ZNF320: variants seen among roughly 807,000 people sequenced by gnomAD.
ZNF320 encodes the protein zinc finger gene 320.
In ZNF320, 2 loss-of-function variants were observed where a neutral mutation model predicts 6.8. That is an observed-to-expected ratio of 0.29 (90% CI 0.12 to 0.93). The LOEUF is 0.93. ZNF320 is among the 40% of genes least tolerant of loss of function. The pLI is 0.55. For missense variants in ZNF320, 472 were observed against 611.0 expected, an observed-to-expected ratio of 0.77 and a Z score of 2.40; for synonymous variants, 208 against 203.2, an observed-to-expected ratio of 1.02 and a Z score of -0.20.
intron 1 of ZNF320, chr19:52,895,665 G>A (rs2064448374): frequency 6.6e-6 from 1 of 151,944 alleles, no homozygotes; most frequent in South Asian, 2.1e-4. Context: ...ACAAAAATTA[G>A]CCAGGCGTGG....
rs115702596 is a variant in ZNF320, at chr19:52,885,246, A to T, written c.142+2881T>A. ...GACAGAAGGCTAAAGAATAACTCCA[A>T]CCCACAAACATATATAAAGTTCTCC... On this transcript the variant is annotated intron_variant, in intron 5 of 5. Coordinates refer to ENST00000682928, the MANE Select transcript of ZNF320 (RefSeq NM_001351774.2). 2.8e-3 allele frequency among the ~76,000 whole-genome samples: 426 copies of T among 151,986 alleles called. 1 individual carries two copies. Among genetic ancestry groups the T allele is most frequent in the African/African-American group, 9.6e-3 (400 of 41,474 alleles).
intron 5 of ZNF320, among the ~76,000 whole-genome samples, chr19:52,886,931 A>G (rs988665233): frequency 6.6e-6 from 1 of 151,568 alleles, no homozygotes. Context: ...TGAAACTATC[A>G]AAAGAAAAAG....
At chr19:52,901,342 G>A (rs2064570601), upstream of ZNF320, among the ~76,000 whole-genome samples, 2 of 152,168 alleles carry the variant, frequency 1.3e-5, no homozygotes, top group African/African-American at 2.4e-5. Context: ...TACTGTACAA[G>A]TCTAAATTTT....
upstream of ZNF320, among the ~76,000 whole-genome samples, chr19:52,898,082 T>G (rs1280462550): frequency 6.6e-6 from 1 of 152,240 alleles, no homozygotes; most frequent in Admixed American, 6.5e-5. Flanking sequence ...GTCCAAAATC[T>G]GGAAGTTGTC....
At chr19:52,870,237 T>C (rs2063655358) in intron 5 of ZNF320, among the ~76,000 whole-genome samples, 1 of 151,650 alleles carries the variant, frequency 6.6e-6, no homozygotes, top group Non-Finnish European at 1.5e-5. Flanking sequence ...ACCCAGCACT[T>C]TGTGAGGCCG....
chr19:52,873,876 G>C, downstream of ZNF320: 1 of 314,190 alleles, frequency 3.2e-6, no homozygotes, highest in Non-Finnish European at 6.5e-6. Context: ...GCATGGGTGA[G>C]TGTGAGCAAA....
chr19:52,900,412 T>C (rs1175106533), upstream of ZNF320, among the ~76,000 whole-genome samples: 1 of 152,196 alleles, frequency 6.6e-6, no homozygotes, highest in South Asian at 2.1e-4. Flanking sequence ...TCTTTTGGGC[T>C]GGGAATTCAT....
exon 6 of ZNF320, chr19:52,861,812 C>T: frequency 2.6e-6 from 1 of 379,028 alleles, no homozygotes; most frequent in Non-Finnish European, 5.3e-6. Flanking sequence ...TGACCTCAGA[C>T]TGAAACCTTG....
In ZNF320 at chr19:52,868,172, C is replaced by T. The variant is rs192612303; in HGVS notation, c.224-4013G>A. ...CAGTTTACAGCCTGTCATATAAAAG[C>T]TGCAATGTGTGAAGCCATCTAATAG... On this transcript the variant is annotated intron_variant, in intron 5 of 5. Coordinates refer to the ZNF320 transcript ENST00000673631. 5.3e-3 allele frequency among the ~76,000 whole-genome samples: 803 copies of T among 152,242 alleles called. 9 individuals are homozygous for T. Among genetic ancestry groups the T allele is most frequent in the African/African-American group, 0.016 (685 of 41,542 alleles).
intron 5 of ZNF320, among the ~76,000 whole-genome samples, chr19:52,885,329 C>T (rs1449809385): frequency 6.6e-6 from 1 of 152,052 alleles, no homozygotes; most frequent in Non-Finnish European, 1.5e-5. Flanking sequence ...GCCTATAATC[C>T]CAGCACTTTG....
At chr19:52,900,199 C>A (rs2064566965), upstream of ZNF320, among the ~76,000 whole-genome samples, 1 of 152,114 alleles carries the variant, frequency 6.6e-6, no homozygotes, top group Admixed American at 6.5e-5. Flanking sequence ...CAACAGTCTG[C>A]AACTTTGGAA....
chr19:52,865,482 ATAATACATATATATTAT>A (rs2063532595), intron 5 of ZNF320: 1 of 123,172 alleles, frequency 8.1e-6, no homozygotes, highest in Admixed American at 8.7e-5. Flanking sequence ...ACATATATAT[ATAATACATATATATTAT>A]ACATATATAT....
intron 5 of ZNF320, among the ~76,000 whole-genome samples, chr19:52,866,869 CAAAA>C (rs58231328): frequency 0.01 from 1,120 of 108,904 alleles, 10 homozygotes; most frequent in African/African-American, 0.032. Flanking sequence ...ACAAAACATA[CAAAA>C]AAAAAAAAAA....
At chr19:52,868,050 ACGC>A (rs113100575) in intron 5 of ZNF320, among the ~76,000 whole-genome samples, 42,684 of 151,134 alleles carry the variant, frequency 0.28, 5,701 homozygotes, top group African/African-American at 0.35. Flanking sequence ...CAGCCAGTCT[ACGC>A]CGTTTCTGAC....
At chr19:52,887,005 G>GAAAA (rs1555821403) in intron 5 of ZNF320, among the ~76,000 whole-genome samples, 1 of 72,032 alleles carries the variant, frequency 1.4e-5, no homozygotes, top group African/African-American at 5.6e-5. Context: ...AAGGAAGGAA[G>GAAAA]GAAAAGAAAA....
At chr19:52,884,679 T>G (rs1304832233) in intron 5 of ZNF320, among the ~76,000 whole-genome samples, 1 of 152,128 alleles carries the variant, frequency 6.6e-6, no homozygotes, top group African/African-American at 2.4e-5. Flanking sequence ...TTCAAACTCC[T>G]GACCTCAAGC....
At chr19:52,864,967 CG>C (rs2063517678) in intron 5 of ZNF320, among the ~76,000 whole-genome samples, 1 of 151,806 alleles carries the variant, frequency 6.6e-6, no homozygotes, top group African/African-American at 2.4e-5. Context: ...GAGCCGAGAT[CG>C]GGCCACTACA....
At chr19:52,903,221 A>G in the ZNF320 span, among the ~76,000 whole-genome samples, 1 of 152,240 alleles carries the variant, frequency 6.6e-6, no homozygotes, top group Non-Finnish European at 1.5e-5. Flanking sequence ...ACTATAATAC[A>G]TGCTACGCTG....
chr19:52,890,456 A>G, intron 3 of ZNF320, 128 bp from the exon 4 acceptor site: 1 of 757,500 alleles, frequency 1.3e-6, no homozygotes, highest in Non-Finnish European at 2.0e-6. Context: ...TGCCCCAGGG[A>G]TGATAAACTC....
Sources: gnomAD v4.1 joint callset for allele counts (sites outside exome capture counted in the v4.1 genomes callset) on GRCh38, gnomAD v4.1.1 for gene constraint, MANE v1.5 for transcripts, NCBI Gene and HGNC (gene_info 2026-07-23, HGNC 2026-07-21) for gene names.